SPIDR: variants seen among roughly 807,000 people sequenced by gnomAD.
SPIDR encodes DNA repair-scaffolding protein.
A neutral mutation model predicts 104.6 loss-of-function variants in SPIDR; 93 were observed. The ratio of observed to expected loss-of-function variants is 0.89; its 90% CI spans 0.75 to 1.06. The LOEUF (loss-of-function observed/expected upper bound fraction) is 1.06. SPIDR is among the 50% of genes least tolerant of loss of function. The probability of loss-of-function intolerance (pLI) is 0.00; values close to 1 mark genes in which losing one functional copy is unlikely to be tolerated. For synonymous variants in SPIDR, 431 were observed against 416.9 expected (o/e 1.03, Z -0.41); for missense variants, 1,154 against 1,111.2 (o/e 1.04, Z -0.55).
intron 8 of SPIDR, among the ~76,000 whole-genome samples, chr8:47,540,146 C>G (rs2087812259): frequency 6.6e-6 from 1 of 152,112 alleles, no homozygotes; most frequent in African/African-American, 2.4e-5. Context: ...ATCCTAAACA[C>G]TTTTTTGAAT....
rs556701141 is a variant in SPIDR at position 47,567,296 on chromosome 8, C to T, written c.1098-28515C>T. On this transcript the variant is annotated intron_variant, in intron 8 of 19. Transcript: ENST00000297423. ...GTGCAATGGTGCGATCTCGGCTCAC[C>T]GCAACCTCTGCCTCCCGGGTTCAAG... 3.7e-4 allele frequency among the ~76,000 whole-genome samples: 56 copies of T among 151,748 alleles called. 1 individual carries two copies. The highest frequency in any genetic ancestry group is 1.1e-3 in the African/African-American group (45 of 41,388).
At chr8:47,554,822 C>T (rs936672642) in intron 8 of SPIDR, among the ~76,000 whole-genome samples, 3 of 152,218 alleles carry the variant, frequency 2.0e-5, no homozygotes, top group East Asian at 1.9e-4. Flanking sequence ...CTGTCTTCTG[C>T]GTCATTCACG....
At chr8:47,589,487 T>G (rs540320697) in intron 8 of SPIDR, among the ~76,000 whole-genome samples, 2 of 151,836 alleles carry the variant, frequency 1.3e-5, no homozygotes, top group African/African-American at 4.8e-5. Context: ...ATCACACCAC[T>G]GCACTGCAGC....
At chr8:47,337,930 A>G (rs963569400) in intron 5 of SPIDR, among the ~76,000 whole-genome samples, 3 of 152,162 alleles carry the variant, frequency 2.0e-5, no homozygotes, top group Admixed American at 2.0e-4. Context: ...ATTCAGTTCC[A>G]TTGGTCTATA....
rs2047259796 is a variant in SPIDR, at chr8:47,324,123, TAA to T, written c.525+30094_525+30095del. Among the ~76,000 whole-genome samples the T allele has an allele frequency of 2.6e-5, 4 of 151,242 alleles. No homozygotes were observed. In the South Asian group the frequency reaches 8.3e-4, roughly 31 times the overall value. On this transcript the variant is annotated intron_variant, in intron 5 of 19. Transcript: ENST00000297423. ...CATAATAAAAAATTTCTTATGAAATTAAGTCTTTATAGATACCTCATTTAATT... is the reference window on the plus strand; with the variant it reads ...CATAATAAAAAATTTCTTATGAAATTGTCTTTATAGATACCTCATTTAATT...
intron 7 of SPIDR, among the ~76,000 whole-genome samples, chr8:47,409,011 C>A (rs1034717808): frequency 1.3e-5 from 2 of 152,228 alleles, no homozygotes; most frequent in South Asian, 4.1e-4. Context: ...CATGGTGAAA[C>A]CCCATCTCTA....
chr8:47,506,621 T>C (rs530490622), intron 8 of SPIDR, among the ~76,000 whole-genome samples: 30 of 151,870 alleles, frequency 2.0e-4, no homozygotes, highest in Admixed American at 5.2e-4. Flanking sequence ...GGAAGAAGTA[T>C]GCATAATTAT....
At chr8:47,511,746 A>G in intron 8 of SPIDR, 1 of 1,297,642 alleles carries the variant, frequency 7.7e-7, no homozygotes, top group Non-Finnish European at 1.1e-6. Flanking sequence ...CTCGCTCCAC[A>G]GCTACAGCTC....
At chr8:47,345,302 G>C (rs1435262763) in intron 5 of SPIDR, among the ~76,000 whole-genome samples, 1 of 152,166 alleles carries the variant, frequency 6.6e-6, no homozygotes, top group African/African-American at 2.4e-5. Flanking sequence ...TGAGGGCTCT[G>C]TTTTGTTCCA....
At chr8:47,436,660 A>G (rs2154341714) in intron 7 of SPIDR, among the ~76,000 whole-genome samples, 1 of 152,322 alleles carries the variant, frequency 6.6e-6, no homozygotes, top group East Asian at 1.9e-4. Context: ...CAGGTTATCG[A>G]GGCTGCAGTA....
intron 5 of SPIDR, among the ~76,000 whole-genome samples, chr8:47,306,465 G>A (rs1482268940): frequency 2.6e-5 from 4 of 152,038 alleles, no homozygotes; most frequent in African/African-American, 9.7e-5. Flanking sequence ...TTTAAAGGCT[G>A]AATAATATTC....
At chr8:47,456,259 T>A (rs576231231) in intron 8 of SPIDR, among the ~76,000 whole-genome samples, 25 of 152,204 alleles carry the variant, frequency 1.6e-4, no homozygotes, top group Admixed American at 1.3e-3. Flanking sequence ...AACAAGGAGA[T>A]GTATGCACCT....
At chr8:47,521,468 A>AAG (rs1236061058) in intron 8 of SPIDR, among the ~76,000 whole-genome samples, 1 of 142,786 alleles carries the variant, frequency 7.0e-6, no homozygotes, top group Non-Finnish European at 1.5e-5. Flanking sequence ...ACCGAGTCTC[A>AAG]CTCTGTCAGC....
chr8:47,492,727 A>G (rs1000136025), intron 8 of SPIDR, among the ~76,000 whole-genome samples: 2 of 152,104 alleles, frequency 1.3e-5, no homozygotes, highest in African/African-American at 2.4e-5. Context: ...GTCTGGCCGT[A>G]TTGCTCGTCT....
At chr8:47,474,815 T>C (rs547418723) in intron 8 of SPIDR, among the ~76,000 whole-genome samples, 1 of 152,258 alleles carries the variant, frequency 6.6e-6, no homozygotes, top group Non-Finnish European at 1.5e-5. Context: ...CAGTAGAATT[T>C]GTTATTTTCA....
chr8:47,343,455 T>G (rs782163508), intron 5 of SPIDR, among the ~76,000 whole-genome samples: 1 of 152,202 alleles, frequency 6.6e-6, no homozygotes. Context: ...TACCAACTTG[T>G]CCAAGTTCAG....
chr8:47,454,465 C>T (rs1554708465), intron 8 of SPIDR, among the ~76,000 whole-genome samples: 1 of 151,444 alleles, frequency 6.6e-6, no homozygotes, highest in Non-Finnish European at 1.5e-5. Flanking sequence ...CATCACACAC[C>T]AGGGCCTGTG....
At chr8:47,567,726 G>A (rs1238747530) in intron 8 of SPIDR, among the ~76,000 whole-genome samples, 3 of 150,884 alleles carry the variant, frequency 2.0e-5, no homozygotes, top group Non-Finnish European at 3.0e-5. Context: ...TGTGACCTTT[G>A]GACAGTGCAC....
chr8:47,502,824 C>A (rs1253344342), intron 8 of SPIDR, among the ~76,000 whole-genome samples: 1 of 152,202 alleles, frequency 6.6e-6, no homozygotes, highest in African/African-American at 2.4e-5. Flanking sequence ...CCCAGAGATT[C>A]TGGTATGTTG....
Sources: gnomAD v4.1 joint callset for allele counts (sites outside exome capture counted in the v4.1 genomes callset) on GRCh38, gnomAD v4.1.1 for gene constraint, MANE v1.5 for transcripts, NCBI Gene and HGNC (gene_info 2026-07-23, HGNC 2026-07-21) for gene names.